TSHZ3: variants seen among roughly 807,000 people sequenced by gnomAD.
The protein encoded by TSHZ3 is teashirt zinc finger homeobox 3.
A neutral mutation model predicts 64.5 loss-of-function variants in TSHZ3; 10 were observed. That is an observed-to-expected ratio of 0.16 (90% CI 0.10 to 0.26). The LOEUF (loss-of-function observed/expected upper bound fraction) is 0.26. Ranked by LOEUF, TSHZ3 falls within the 10% of genes least tolerant of loss-of-function variation. The pLI, the probability that TSHZ3 is intolerant of heterozygous loss-of-function variation, is 1.00. For synonymous variants in TSHZ3, 608 were observed against 593.1 expected (o/e 1.03, Z -0.36); for missense variants, 1,242 against 1,421.7 (o/e 0.87, Z 2.03).
At chr19:31,301,423 T>C (rs1976754974) in intron 1 of TSHZ3, among the ~76,000 whole-genome samples, 1 of 152,188 alleles carries the variant, frequency 6.6e-6, no homozygotes, top group South Asian at 2.1e-4. Flanking sequence ...AAATTAAAAC[T>C]TAGATGACAT....
At chr19:31,327,431 T>C (rs1916963062) in intron 1 of TSHZ3, among the ~76,000 whole-genome samples, 1 of 152,240 alleles carries the variant, frequency 6.6e-6, no homozygotes. Context: ...CTGAAATCCT[T>C]ACTTTTCTAC....
chr19:31,232,544 C>T (rs1281949271), intron 3 of TSHZ3, among the ~76,000 whole-genome samples: 1 of 152,172 alleles, frequency 6.6e-6, no homozygotes, highest in East Asian at 1.9e-4. Flanking sequence ...TTTTAAAAAT[C>T]AACATTGTGC....
At chr19:31,214,691 G>A (rs1034919166) in intron 4 of TSHZ3, among the ~76,000 whole-genome samples, 16 of 152,084 alleles carry the variant, frequency 1.1e-4, no homozygotes, top group Non-Finnish European at 2.2e-4. Flanking sequence ...GGCAGATCAC[G>A]AGGCCAGGAA....
intron 4 of TSHZ3, among the ~76,000 whole-genome samples, chr19:31,217,221 G>A (rs1335777009): frequency 1.3e-5 from 2 of 152,152 alleles, no homozygotes; most frequent in Non-Finnish European, 2.9e-5. Flanking sequence ...GTGGGCAGAG[G>A]AACAACAAGG....
chr19:31,292,168 A>G (rs1328706581), intron 1 of TSHZ3, among the ~76,000 whole-genome samples: 1 of 152,190 alleles, frequency 6.6e-6, no homozygotes, highest in African/African-American at 2.4e-5. Flanking sequence ...ATAAATTAGA[A>G]GAGTAACTTC....
intron 5 of TSHZ3, among the ~76,000 whole-genome samples, chr19:31,201,220 G>T (rs1402312691): frequency 6.6e-6 from 1 of 152,048 alleles, no homozygotes; most frequent in Non-Finnish European, 1.5e-5. Flanking sequence ...TTTAATAATG[G>T]TTAAATTATT....
intron 1 of TSHZ3, among the ~76,000 whole-genome samples, chr19:31,314,288 C>G (rs967196560): frequency 6.6e-6 from 1 of 152,214 alleles, no homozygotes; most frequent in African/African-American, 2.4e-5. Flanking sequence ...TACATGCAGG[C>G]AAGGGTGTTT....
chr19:31,211,521 TG>T (rs1344913397), intron 4 of TSHZ3, among the ~76,000 whole-genome samples: 1 of 152,110 alleles, frequency 6.6e-6, no homozygotes, highest in African/African-American at 2.4e-5. Flanking sequence ...TGGGCTAGCC[TG>T]GGCTGGGGCA....
At chr19:31,180,053 G>T (rs747221782) in intron 5 of TSHZ3, among the ~76,000 whole-genome samples, 15 of 152,080 alleles carry the variant, frequency 9.9e-5, no homozygotes, top group Non-Finnish European at 2.1e-4. Flanking sequence ...AATTGGTAAA[G>T]CCCCTGGTCC....
At chr19:31,230,552 T>G (rs1156593538) in intron 3 of TSHZ3, among the ~76,000 whole-genome samples, 1 of 151,988 alleles carries the variant, frequency 6.6e-6, no homozygotes, top group Non-Finnish European at 1.5e-5. Flanking sequence ...TTCGGGGAAA[T>G]TCTTACAGCC....
chr19:31,205,156 C>T (rs902971277), intron 4 of TSHZ3, among the ~76,000 whole-genome samples: 23 of 152,142 alleles, frequency 1.5e-4, no homozygotes, highest in Admixed American at 1.5e-3. Flanking sequence ...AACACAATTG[C>T]TCTTTCACAG....
rs139342269 is a variant in TSHZ3, at chr19:31,278,460, C to G, written c.1333G>C (p.Val445Leu). Residue 445 changes from valine (V) to leucine (L), a missense_variant, in exon 2 of 2, where the codon GTG becomes CTG. Physicochemically the swap from Val to Leu is conservative, Grantham distance 32. This residue lies in a region of TSHZ3 where 555 missense variants were observed against 704.0 expected (regional missense o/e 0.79). Coordinates refer to ENST00000240587, the MANE Select transcript of TSHZ3 (RefSeq NM_020856.4). The surrounding 1 kb of genome is among the most constrained non-coding windows in gnomAD (Gnocchi z 4.7). ...GTGAAGGTGGTGGCTGCCAGGGGCA[C>G]GGACTGGACCTTCTCATCCAGCAGG... ...TTLLDEKVQSVPLAATTFTSP... is the reference protein window; with the variant it reads ...TTLLDEKVQSLPLAATTFTSP... 4.3e-6 allele frequency: 7 copies of G among 1,614,098 alleles called. No individual in the cohort carries two copies. Among genetic ancestry groups the G allele is most frequent in the Admixed American group, 1.7e-5 (1 of 60,022 alleles).
chr19:31,196,961 T>C (rs993632936), intron 5 of TSHZ3, among the ~76,000 whole-genome samples: 4 of 152,030 alleles, frequency 2.6e-5, no homozygotes, highest in African/African-American at 9.7e-5. Context: ...ATCAACTGTA[T>C]ATAATTAATA....
intron 1 of TSHZ3, among the ~76,000 whole-genome samples, chr19:31,336,929 A>G (rs1404289214): frequency 6.6e-6 from 1 of 151,918 alleles, no homozygotes; most frequent in Non-Finnish European, 1.5e-5. Flanking sequence ...CAGAGTGCAT[A>G]TTTTATCAGC....
intron 4 of TSHZ3, among the ~76,000 whole-genome samples, chr19:31,207,241 G>C (rs182850532): frequency 1.5e-3 from 235 of 152,254 alleles, no homozygotes; most frequent in Middle Eastern, 6.8e-3. Flanking sequence ...ACTTTACAAT[G>C]CTGATTAAAA....
At chr19:31,206,623 C>A (rs1027839173) in intron 4 of TSHZ3, among the ~76,000 whole-genome samples, 1 of 151,894 alleles carries the variant, frequency 6.6e-6, no homozygotes, top group African/African-American at 2.4e-5. Context: ...TAAACTGCAG[C>A]AAGAAAATTT....
At chr19:31,316,903 A>C (rs1025057471) in intron 1 of TSHZ3, among the ~76,000 whole-genome samples, 2 of 152,144 alleles carry the variant, frequency 1.3e-5, no homozygotes, top group Non-Finnish European at 2.9e-5. Context: ...TATTTGAGTC[A>C]CATATGCTCC....
intron 5 of TSHZ3, among the ~76,000 whole-genome samples, chr19:31,161,917 G>A (rs1200287127): frequency 2.0e-5 from 3 of 152,208 alleles, no homozygotes; most frequent in East Asian, 1.9e-4. Flanking sequence ...AAAAACAGGC[G>A]ATGGGCCTGG....
intron 5 of TSHZ3, among the ~76,000 whole-genome samples, chr19:31,170,785 T>A (rs572076134): frequency 1.3e-5 from 2 of 152,336 alleles, no homozygotes; most frequent in African/African-American, 4.8e-5. Flanking sequence ...TAAAAGAAAT[T>A]TCTTCTTGCA....
Sources: gnomAD v4.1 joint callset for allele counts (sites outside exome capture counted in the v4.1 genomes callset) on GRCh38, gnomAD v4.1.1 for gene constraint, gnomAD v4.1.1 regional missense constraint, Gnocchi (gnomAD v3.1) non-coding constraint, MANE v1.5 for transcripts, NCBI Gene and HGNC (gene_info 2026-07-23, HGNC 2026-07-21) for gene names.